Variants in CNTRL observed in about 807,000 individuals in gnomAD.
CNTRL encodes the protein 110 kDa centrosomal protein.
CNTRL carries 233 observed loss-of-function variants against 303.7 expected under a neutral mutation model. The observed-to-expected ratio is 0.77, with a 90% CI of 0.69 to 0.86. CNTRL has a LOEUF of 0.86. CNTRL is among the 40% of genes least tolerant of loss of function. The pLI is 0.00. For synonymous variants in CNTRL, 900 were observed against 922.2 expected (o/e 0.98, Z 0.44); for missense variants, 2,524 against 2,650.6 (o/e 0.95, Z 1.05).
intron 34 of CNTRL, 94 bp downstream of exon 34, chr9:121,162,365 TAA>T (rs2052893740): frequency 9.6e-7 from 1 of 1,042,106 alleles, no homozygotes; most frequent in Non-Finnish European, 1.5e-6. Context: ...GAGAAAAAGA[TAA>T]AATACACCAC....
At position 121,107,948 on chromosome 9, in the gene CNTRL, C is replaced by G. The variant is rs1174581971; in HGVS notation, c.955C>G (p.Gln319Glu). The change falls in exon 8 of 44, where the codon CAG (glutamine) becomes GAG (glutamate). Residue 319 changes from glutamine to glutamate, a missense_variant. Gln to Glu is a conservative substitution (Grantham distance 29). Coordinates refer to ENST00000373855, the MANE Select transcript of CNTRL (RefSeq NM_007018.6). Reference sequence around the variant, plus strand: ...AAAAGAGGAGGCCATGTTACAGAAACAGAGCTGTGAGGAACTCAAGAGTGA... The same window carrying G: ...AAAAGAGGAGGCCATGTTACAGAAAGAGAGCTGTGAGGAACTCAAGAGTGA... ...SLKEEAMLQK[Q>E]SCEELKSDLN... is the part of the protein sequence containing the mutation. 69 of 1,601,882 alleles carry G rather than the reference C, an allele frequency of 4.3e-5. No homozygotes were observed. Among genetic ancestry groups the G allele is most frequent in the Middle Eastern group, 1.7e-4 (1 of 6,024 alleles).
intron 7 of CNTRL, among the ~76,000 whole-genome samples, chr9:121,103,443 A>G (rs1416754635): frequency 2.0e-5 from 3 of 152,178 alleles, no homozygotes; most frequent in Non-Finnish European, 2.9e-5. Context: ...AACCATAAAA[A>G]CCCTAGAAGA....
chr9:121,132,271 T>G (rs1356142817), intron 14 of CNTRL, among the ~76,000 whole-genome samples: 1 of 152,226 alleles, frequency 6.6e-6, no homozygotes, highest in Non-Finnish European at 1.5e-5. Context: ...GGTACACCAT[T>G]CAAACGTAGA....
intron 2 of CNTRL, among the ~76,000 whole-genome samples, chr9:121,080,914 A>G (rs1182811990): frequency 1.3e-5 from 2 of 152,252 alleles, no homozygotes; most frequent in Non-Finnish European, 2.9e-5. Context: ...GTGTCATGGG[A>G]GCCTTCAGAA....
rs2134172900 is a variant in CNTRL at position 121,148,856 on chromosome 9, G to A, written c.3644G>A (p.Ser1215Asn). 5 of 1,611,832 alleles carry A rather than the reference G, an allele frequency of 3.1e-6. No homozygotes were observed. Among genetic ancestry groups the A allele is most frequent in the Non-Finnish European group, 3.4e-6 (4 of 1,179,122 alleles). ...AGTGGGTTACATAAACTGTTTCCAA[G>A]TAGAGGTAAGTCAAATCACATAGGA... The part of the protein sequence containing the change: ...IRSGLHKLFP[S>N]RDADSGGDSQ... The change falls in exon 24 of 44, where the codon AGT (serine) becomes AAT (asparagine). Residue 1215 changes from serine (S) to asparagine (N), a missense_variant. Coordinates refer to ENST00000373855, the MANE Select transcript of CNTRL (RefSeq NM_007018.6).
chr9:121,145,958 T>C, intron 22 of CNTRL, 150 bp from the exon 23 acceptor site: 1 of 604,274 alleles, frequency 1.7e-6, no homozygotes, highest in Non-Finnish European at 2.8e-6. Context: ...TACAAATCAG[T>C]TTGCCTTTTT....
At chr9:121,175,365 C>G in intron 43 of CNTRL, 141 bp downstream of exon 43, 1 of 731,626 alleles carries the variant, frequency 1.4e-6, no homozygotes, top group Non-Finnish European at 2.4e-6. Context: ...CTCCCAGGCT[C>G]AAGTGATCCT....
At chr9:121,172,571 G>A (rs2053356179) in intron 40 of CNTRL, among the ~76,000 whole-genome samples, 1 of 152,074 alleles carries the variant, frequency 6.6e-6, no homozygotes, top group Admixed American at 6.5e-5. Context: ...AGCCTGGGAG[G>A]TTGAGACTGC....
intron 7 of CNTRL, among the ~76,000 whole-genome samples, chr9:121,101,614 C>T (rs2049172205): frequency 6.6e-6 from 1 of 152,068 alleles, no homozygotes; most frequent in African/African-American, 2.4e-5. Context: ...AATCCAGGAG[C>T]TGGTTTTTTG....
intron 7 of CNTRL, among the ~76,000 whole-genome samples, chr9:121,103,683 G>T (rs1275716223): frequency 6.6e-6 from 1 of 152,058 alleles, no homozygotes; most frequent in Non-Finnish European, 1.5e-5. Flanking sequence ...AATCTACAAA[G>T]AACTTAAATT....
chr9:121,091,565 G>A (rs1011586390), intron 4 of CNTRL, among the ~76,000 whole-genome samples: 8 of 152,116 alleles, frequency 5.3e-5, no homozygotes, highest in South Asian at 2.1e-4. Flanking sequence ...AGCAGCAGCC[G>A]GGCGCAGTGG....
chr9:121,112,635 G>A (rs898665049), intron 9 of CNTRL, 57 bp downstream of exon 9: 78 of 1,554,552 alleles, frequency 5.0e-5, no homozygotes, highest in Non-Finnish European at 6.3e-5. Flanking sequence ...GGATGGAATG[G>A]GGGAGGGCAG....
At chr9:121,094,620 AG>A (rs1183742412) in intron 4 of CNTRL, among the ~76,000 whole-genome samples, 2 of 152,184 alleles carry the variant, frequency 1.3e-5, no homozygotes, top group Non-Finnish European at 2.9e-5. Flanking sequence ...AGGGAATGAC[AG>A]TGAGGGAAAT....
chr9:121,106,365 A>C (rs931969076), intron 7 of CNTRL, among the ~76,000 whole-genome samples: 1 of 151,884 alleles, frequency 6.6e-6, no homozygotes, highest in Non-Finnish European at 1.5e-5. Context: ...ACCTAAAAGC[A>C]AAGTGGAGAA....
At chr9:121,174,217 G>C (rs553486801) in intron 42 of CNTRL, among the ~76,000 whole-genome samples, 7 of 152,122 alleles carry the variant, frequency 4.6e-5, no homozygotes, top group Admixed American at 4.6e-4. Flanking sequence ...TAGGATTACT[G>C]ATCAGTGTTG....
rs977047416 is a variant in CNTRL at position 121,148,782 on chromosome 9, C to T, written c.3570C>T (p.Gly1190=). The change falls in exon 24 of 44, where the codon GGC becomes GGT. Residue 1190 remains glycine (G), a synonymous_variant. Coordinates refer to ENST00000373855, the MANE Select transcript of CNTRL (RefSeq NM_007018.6). ...PRPGQQDGKE[G]SQPPPASGYW... ...CTGGGCAGCAGGATGGGAAGGAAGG[C>T]AGTCAACCTCCCCCTGCCTCAGGAT... The T allele has an allele frequency of 3.7e-6, 6 of 1,613,986 alleles. No homozygotes were observed. The African/African-American group carries it at 8.0e-5, about 22-fold the overall frequency.
Position 121,171,420 on chromosome 9 carries a change from G to C in CNTRL, c.6289G>C (p.Glu2097Gln). Residue 2097 changes from glutamate to glutamine, a missense_variant, in exon 40 of 44, where the codon GAG (glutamate) becomes CAG (glutamine). Physicochemically the swap from Glu to Gln is conservative, Grantham distance 29 (BLOSUM62 2). Transcript: ENST00000373855. ...CCTCCTGTGCTAGGAGCAAAAACAG[G>C]AGAACAGCTGCATACAAAAGGAAAT... ...LEKNLLEQKQ[E>Q]NSCIQKEMAT... 1 of 1,614,024 alleles carries C rather than the reference G, an allele frequency of 6.2e-7. No homozygotes were observed. Among genetic ancestry groups the C allele is most frequent in the Non-Finnish European group, 8.5e-7 (1 of 1,179,916 alleles).
At chr9:121,172,368 C>T (rs184364140) in intron 40 of CNTRL, among the ~76,000 whole-genome samples, 13 of 150,760 alleles carry the variant, frequency 8.6e-5, no homozygotes, top group East Asian at 5.9e-4. Flanking sequence ...AGGCTGGGTG[C>T]GGTGCTGCAT....
In CNTRL at chr9:121,173,465, G is replaced by C. The variant is rs1564309388; in HGVS notation, c.6640G>C (p.Gly2214Arg). ...GAACCTTCCATTTACCATGAATGAGGGACCTTTTGAAGAAAAACTGAACTT... is the reference window on the plus strand; with the variant it reads ...GAACCTTCCATTTACCATGAATGAGCGACCTTTTGAAGAAAAACTGAACTT... ...KENLPFTMNEGPFEEKLNFSQ... is the reference protein window; with the variant it reads ...KENLPFTMNERPFEEKLNFSQ... The change falls in exon 41 of 44, where the codon GGA becomes CGA. Residue 2214 changes from glycine to arginine, a missense_variant. Gly to Arg is a moderately radical substitution (Grantham distance 125). Transcript: ENST00000373855. 6.2e-7 allele frequency: 1 copy of C among 1,613,594 alleles called. No individual in the cohort carries two copies. Among genetic ancestry groups the C allele is most frequent in the Non-Finnish European group, 8.5e-7 (1 of 1,179,966 alleles).
Sources: allele counts gnomAD v4.1 joint callset (sites outside exome capture counted in the v4.1 genomes callset), GRCh38; gene constraint gnomAD v4.1.1; transcripts MANE v1.5; gene names NCBI Gene and HGNC (gene_info 2026-07-23, HGNC 2026-07-21).